ULK4: variants seen among roughly 807,000 people sequenced by gnomAD.
ULK4 encodes inactive serine/threonine-protein kinase ULK4.
Under a neutral mutation model 160.6 loss-of-function variants are expected in ULK4, and 133 were observed. The ratio of observed to expected loss-of-function variants is 0.83; its 90% CI spans 0.72 to 0.96. The LOEUF (loss-of-function observed/expected upper bound fraction) is 0.96. Among genes scored for constraint, ULK4 ranks in the 40% least tolerant of loss-of-function variants. The pLI is 0.00. For synonymous variants in ULK4, 534 were observed against 539.8 expected (o/e 0.99, Z 0.15); for missense variants, 1,580 against 1,499.5 (o/e 1.05, Z -0.89).
intron 34 of ULK4, among the ~76,000 whole-genome samples, chr3:41,432,639 T>C (rs564477547): frequency 1.4e-4 from 21 of 152,296 alleles, no homozygotes; most frequent in East Asian, 5.8e-4. Flanking sequence ...TTGCTATTAT[T>C]TCCCAGGACA....
intron 31 of ULK4, among the ~76,000 whole-genome samples, chr3:41,568,917 A>T (rs2087875647): frequency 6.6e-6 from 1 of 152,220 alleles, no homozygotes; most frequent in Non-Finnish European, 1.5e-5. Context: ...CTGACCCGCC[A>T]GAGTCAAGCT....
chr3:41,758,344 A>T (rs1276907324), intron 21 of ULK4, among the ~76,000 whole-genome samples: 5 of 152,180 alleles, frequency 3.3e-5, no homozygotes, highest in African/African-American at 4.8e-5. Flanking sequence ...AAATTGAGGG[A>T]GAGGTAAACT....
chr3:41,371,362 T>C (rs1199451424), intron 35 of ULK4, among the ~76,000 whole-genome samples: 1 of 152,144 alleles, frequency 6.6e-6, no homozygotes, highest in Non-Finnish European at 1.5e-5. Context: ...AGATACCTCA[T>C]GGCAGGAGTC....
In ULK4 at chr3:41,911,551, A is replaced by G; in HGVS notation, c.1005T>C (p.Ser335=). The G allele has an allele frequency of 6.2e-7, 1 of 1,613,742 alleles. No homozygotes were observed. The highest frequency in any genetic ancestry group is 1.3e-5 in the African/African-American group (1 of 75,036). ...GHKSGQPLGH[S]FRLENPTEFR... ...TCAAATAAAACTTACCTAGTCTGAA[A>G]GAGTGACCTAGTGGTTGACCACTCT... The change falls in exon 10 of 37, where the codon TCT becomes TCC. Residue 335 remains serine (S), a synonymous_variant. Transcript: ENST00000301831.
intron 30 of ULK4, among the ~76,000 whole-genome samples, chr3:41,637,428 T>C (rs929802916): frequency 3.3e-5 from 5 of 152,242 alleles, no homozygotes; most frequent in Admixed American, 2.0e-4. Context: ...CCACATTTTC[T>C]TTATTCGTTC....
At chr3:41,546,020 A>C (rs1357838153) in intron 32 of ULK4, among the ~76,000 whole-genome samples, 1 of 152,042 alleles carries the variant, frequency 6.6e-6, no homozygotes, top group Non-Finnish European at 1.5e-5. Flanking sequence ...TTTGGCTTTG[A>C]ATATATTTGT....
chr3:41,904,508 T>C (rs1698484719), intron 12 of ULK4, among the ~76,000 whole-genome samples: 1 of 152,232 alleles, frequency 6.6e-6, no homozygotes, highest in Non-Finnish European at 1.5e-5. Context: ...TTATTGATTA[T>C]ATTTTCTCAA....
chr3:41,716,222 T>TAATAAC (rs763674747), intron 23 of ULK4, among the ~76,000 whole-genome samples: 950 of 48,374 alleles, frequency 0.02, 10 homozygotes, highest in African/African-American at 0.055. Context: ...CACAAAATAA[T>TAATAAC]AATAATAATA....
At chr3:41,622,819 G>T (rs1223148714) in intron 30 of ULK4, among the ~76,000 whole-genome samples, 2 of 152,104 alleles carry the variant, frequency 1.3e-5, no homozygotes, top group East Asian at 1.9e-4. Flanking sequence ...GTTCAGAAAA[G>T]ATTTTTTCCG....
chr3:41,546,186 G>A (rs1795337), intron 32 of ULK4, among the ~76,000 whole-genome samples: 68,248 of 151,708 alleles, frequency 0.45, 16,044 homozygotes, highest in Middle Eastern at 0.54. Flanking sequence ...TGAATAATAT[G>A]TTGTGGGGAA....
chr3:41,706,360 T>TA lies in ULK4; in HGVS notation c.2635-1056_2635-1055insT, dbSNP rs1491201543. Among the ~76,000 whole-genome samples the TA allele has an allele frequency of 5.5e-5, 8 of 144,434 alleles. No homozygotes were observed. The East Asian group carries it at 1.4e-3, about 25-fold the overall frequency. 94.8% of individuals were successfully genotyped at this position (144,434 alleles called of 152,430 possible). ...TAATAAACAAAATAATATATATATA[T>TA]TTATATATATATTTAATATATATAT... On this transcript the variant is annotated intron_variant, in intron 25 of 36. Transcript: ENST00000301831.
intron 33 of ULK4, among the ~76,000 whole-genome samples, chr3:41,459,914 A>C (rs1352692614): frequency 6.6e-6 from 1 of 152,144 alleles, no homozygotes; most frequent in Non-Finnish European, 1.5e-5. Context: ...GTTATAGATA[A>C]TGAGATGTCA....
rs147846817 is a variant in ULK4, at chr3:41,735,155, T to G, written c.2322-17294A>C. ...TGGCATTTGGGGAATATTAATCAGA[T>G]AGCGGATAAGCTAATGAATGCGAAA... On this transcript the variant is annotated intron_variant, in intron 22 of 36. Coordinates refer to ENST00000301831, the MANE Select transcript of ULK4 (RefSeq NM_017886.4). Among the ~76,000 whole-genome samples the G allele has an allele frequency of 5.6e-3, 853 of 152,202 alleles. 5 individuals are homozygous for G. The highest frequency in any genetic ancestry group is 0.019 in the African/African-American group (786 of 41,518).
chr3:41,577,051 G>A (rs1240278945), intron 31 of ULK4, among the ~76,000 whole-genome samples: 3 of 152,190 alleles, frequency 2.0e-5, no homozygotes, highest in African/African-American at 7.2e-5. Flanking sequence ...TTCCTAATGG[G>A]AGTTTACCAA....
chr3:41,887,123 ACT>A (rs1302983491), intron 16 of ULK4, among the ~76,000 whole-genome samples: 2 of 152,194 alleles, frequency 1.3e-5, no homozygotes, highest in East Asian at 3.9e-4. Context: ...GGTGTCTAAG[ACT>A]CTGAATTCAA....
chr3:41,767,240 T>C (rs1339561640), intron 21 of ULK4, among the ~76,000 whole-genome samples: 1 of 152,326 alleles, frequency 6.6e-6, no homozygotes, highest in East Asian at 1.9e-4. Context: ...AATGTATTCA[T>C]GTAAGTTACA....
At chr3:41,469,983 C>T (rs73828054) in intron 32 of ULK4, among the ~76,000 whole-genome samples, 2,183 of 111,152 alleles carry the variant, frequency 0.02, 54 homozygotes, top group African/African-American at 0.062. Context: ...GAGACCTAAC[C>T]TATGCATAAG....
chr3:41,919,688 G>A (rs1559650414), intron 6 of ULK4, 29 bp downstream of exon 6: 3 of 1,579,488 alleles, frequency 1.9e-6, no homozygotes, highest in Non-Finnish European at 1.7e-6. Context: ...GTCCAGCTCT[G>A]ATTTTATACC....
intron 32 of ULK4, among the ~76,000 whole-genome samples, chr3:41,518,751 G>C (rs899743130): frequency 2.6e-5 from 4 of 152,198 alleles, no homozygotes; most frequent in Non-Finnish European, 5.9e-5. Flanking sequence ...TGAGCCAGAT[G>C]TTAGCTGTCT....
Sources: allele counts gnomAD v4.1 joint callset (sites outside exome capture counted in the v4.1 genomes callset), GRCh38; gene constraint gnomAD v4.1.1; transcripts MANE v1.5; gene names NCBI Gene and HGNC (gene_info 2026-07-23, HGNC 2026-07-21).